Variants in KIAA1755 observed in about 807,000 individuals in gnomAD.
KIAA1755 encodes the protein uncharacterized protein KIAA1755.
A neutral mutation model predicts 91.7 loss-of-function variants in KIAA1755; 68 were observed. That is an observed-to-expected ratio of 0.74 (90% confidence interval 0.61 to 0.91). KIAA1755 has a LOEUF of 0.91. Ranked by LOEUF, KIAA1755 falls within the 40% of genes least tolerant of loss-of-function variation. KIAA1755 has a pLI of 0.00. For missense variants in KIAA1755, 1,535 were observed against 1,494.4 expected, an observed-to-expected ratio of 1.03 and a Z score of -0.45; for synonymous variants, 610 against 604.6, an observed-to-expected ratio of 1.01 and a Z score of -0.13.
intron 12 of KIAA1755, chr20:38,218,029 G>A (rs2075583038): frequency 1.6e-6 from 1 of 618,278 alleles, no homozygotes; most frequent in Middle Eastern, 4.4e-4. Flanking sequence ...AAACCCTCTG[G>A]GGGATTCAGA....
intron 12 of KIAA1755, 150 bp downstream of exon 12, chr20:38,218,094 G>A: frequency 1.1e-6 from 1 of 928,012 alleles, no homozygotes; most frequent in Non-Finnish European, 1.6e-6. Context: ...TAACATCTCA[G>A]CTGAACTCTG....
At chr20:38,218,549 G>A (rs762860118) in intron 11 of KIAA1755, among the ~76,000 whole-genome samples, 183 bp from the exon 12 acceptor site, 4 of 152,216 alleles carry the variant, frequency 2.6e-5, no homozygotes, top group African/African-American at 9.6e-5. Flanking sequence ...CTTGGGGAGG[G>A]GGAGTGTGTG....
chr20:38,251,721 G>A (rs746780116), intron 1 of KIAA1755, among the ~76,000 whole-genome samples: 34 of 151,746 alleles, frequency 2.2e-4, no homozygotes, highest in Admixed American at 1.4e-3. Context: ...ACCCACCACC[G>A]CGCCCAGCTA....
At chr20:38,214,237 C>G (rs2075506153) in intron 13 of KIAA1755, among the ~76,000 whole-genome samples, 1 of 152,206 alleles carries the variant, frequency 6.6e-6, no homozygotes, top group South Asian at 2.1e-4. Context: ...AGGCATGACC[C>G]ACTGCGCCCA....
Position 38,212,939 on chromosome 20 carries a change from A to G in KIAA1755, c.*103T>C, listed in dbSNP as rs1437514570. The stretch of plus-strand genomic sequence containing the variant: ...AGGCAGAATGTAAAACCAGTGCTCC[A>G]TGGTGACGTCTCACTGGGACTGACC... On this transcript the variant is annotated 3_prime_UTR_variant, in exon 14 of 14. Coordinates refer to ENST00000279024, the MANE Select transcript of KIAA1755 (RefSeq NM_001029864.2). 1.2e-6 allele frequency: 1 copy of G among 838,430 alleles called. No individual in the cohort carries two copies. Among genetic ancestry groups the G allele is most frequent in the Admixed American group, 2.9e-5 (1 of 34,354 alleles). 51.9% of individuals were successfully genotyped at this position (838,430 alleles called of 1,614,324 possible).
At chr20:38,232,397 C>A (rs1329887301) in intron 4 of KIAA1755, among the ~76,000 whole-genome samples, 1 of 151,264 alleles carries the variant, frequency 6.6e-6, no homozygotes, top group Non-Finnish European at 1.5e-5. Flanking sequence ...GAGGCTGAGG[C>A]GGGTGGATCA....
chr20:38,254,225 T>C (rs2076300213), intron 1 of KIAA1755, among the ~76,000 whole-genome samples: 2 of 152,162 alleles, frequency 1.3e-5, no homozygotes, highest in Admixed American at 1.3e-4. Flanking sequence ...ATCCATTTAC[T>C]GCAACGGGCA....
intron 6 of KIAA1755, 106 bp downstream of exon 6, chr20:38,228,041 G>A: frequency 1.4e-6 from 1 of 691,114 alleles, no homozygotes; most frequent in Non-Finnish European, 2.2e-6. Flanking sequence ...GTCCCTGCCT[G>A]AGAGTCCTGG....
At chr20:38,249,445 T>C (rs575634226) in intron 1 of KIAA1755, among the ~76,000 whole-genome samples, 1 of 152,168 alleles carries the variant, frequency 6.6e-6, no homozygotes, top group Non-Finnish European at 1.5e-5. Context: ...ATAGGAACTC[T>C]GAGGAGGAGG....
intron 2 of KIAA1755, among the ~76,000 whole-genome samples, chr20:38,244,455 C>T (rs922631604): frequency 5.9e-5 from 9 of 152,202 alleles, no homozygotes; most frequent in African/African-American, 9.7e-5. Flanking sequence ...ACTGGAATGA[C>T]GCACACAGTC....
At chr20:38,234,727 TCACATGTCTGGTTCCCCAC>T (rs2075928742) in intron 4 of KIAA1755, among the ~76,000 whole-genome samples, 1 of 152,184 alleles carries the variant, frequency 6.6e-6, no homozygotes, top group Non-Finnish European at 1.5e-5. Flanking sequence ...TACGATTAGT[TCACATGTCTGGTTCCCCAC>T]ACTGCCTGGA....
chr20:38,213,087 T>C lies in KIAA1755; in HGVS notation c.3558A>G (p.Thr1186=), dbSNP rs200592469. The stretch of plus-strand genomic sequence containing the variant: ...TTGTCTGGGGTGAGTCCTCAAGGGA[T>C]GTCTGTGAGTCTGTCCCCTCTGAGG... ...SFSSEGTDSQ[T]SLEDSPQTSP... The change falls in exon 14 of 14, where the codon ACA becomes ACG. Residue 1186 remains threonine, a synonymous_variant. Transcript: ENST00000279024. The C allele has an allele frequency of 6.3e-7, 1 of 1,580,828 alleles. No homozygotes were observed. The highest frequency in any genetic ancestry group is 8.6e-7 in the Non-Finnish European group (1 of 1,161,474).
chr20:38,218,087 C>T (rs2075584021), intron 12 of KIAA1755, 157 bp downstream of exon 12: 19 of 848,792 alleles, frequency 2.2e-5, no homozygotes, highest in Non-Finnish European at 3.3e-5. Flanking sequence ...GGGGAGATAA[C>T]ATCTCAGCTG....
chr20:38,245,911 G>T lies in KIAA1755; in HGVS notation c.201+18C>A, dbSNP rs112586932. On this transcript the variant is annotated intron_variant, in intron 2 of 13. Coordinates refer to ENST00000279024, the MANE Select transcript of KIAA1755 (RefSeq NM_001029864.2). ...CTGGAACAGCTTGTTCCCTGTCCCT[G>T]TTTCCCTCTTGACTTACACAGGCTG... 0.025 allele frequency: 39,526 copies of T among 1,612,590 alleles called. 598 individuals are homozygous for T. The highest frequency in any genetic ancestry group is 0.044 in the Middle Eastern group (269 of 6,058).
chr20:38,225,725 C>G lies in KIAA1755; in HGVS notation c.2109G>C (p.Leu703=). 3 of 1,609,706 alleles carry G rather than the reference C, an allele frequency of 1.9e-6. No individual in the cohort carries two copies. The highest frequency in any genetic ancestry group is 2.5e-6 in the Non-Finnish European group (3 of 1,178,040). Residue 703 remains leucine (L), a synonymous_variant, in exon 8 of 14, where the codon CTG becomes CTC. Coordinates refer to ENST00000279024, the MANE Select transcript of KIAA1755 (RefSeq NM_001029864.2). ...GGAAGGGGCCTTCCAGGACTGCGGG[C>G]AGCTGGCTGGGGTCCACATGGTGGC... ...ALSHHVDPSQ[L]PAVLEGPFPY... is the part of the protein sequence containing the mutation.
intron 2 of KIAA1755, among the ~76,000 whole-genome samples, 171 bp downstream of exon 2, chr20:38,245,758 G>C (rs1367886126): frequency 6.6e-6 from 1 of 152,182 alleles, no homozygotes; most frequent in Non-Finnish European, 1.5e-5. Context: ...CCTTCGATCT[G>C]GGGGGCTGAT....
Position 38,260,565 on chromosome 20 carries a change from G to A in KIAA1755, c.-65C>T. ...CTGGGCGCGGGGTCTGTGGGTCCGC[G>A]GGTCCGTCTGTCTGGGGCAGCCCTC... On this transcript the variant is annotated 5_prime_UTR_variant, in exon 1 of 14. Coordinates refer to ENST00000279024, the MANE Select transcript of KIAA1755 (RefSeq NM_001029864.2). 6.8e-7 allele frequency: 1 copy of A among 1,479,298 alleles called. No homozygotes were observed. Among genetic ancestry groups the A allele is most frequent in the Non-Finnish European group, 8.9e-7 (1 of 1,118,228 alleles). The allele number at this position is 1,479,298 out of a possible 1,614,324, so 91.6% of individuals were successfully genotyped here.
Position 38,241,544 on chromosome 20 carries a change from G to T in KIAA1755, c.587C>A (p.Ala196Asp). ...FVDDRPQVVNALCQAWGPLPL... is the reference protein window; with the variant it reads ...FVDDRPQVVNDLCQAWGPLPL... ...AAGGGGCCCCCAGGCTTGGCAGAGG[G>T]CATTCACTACTTGGGGTCTGTCATC... Residue 196 changes from alanine to aspartate, a missense_variant, in exon 3 of 14, where the codon GCC (alanine) becomes GAC (aspartate). Physicochemically the swap from Ala to Asp is moderately radical, Grantham distance 126 (BLOSUM62 -2). Transcript: ENST00000279024. The T allele has an allele frequency of 6.2e-7, 1 of 1,614,230 alleles. No individual in the cohort carries two copies. The highest frequency in any genetic ancestry group is 8.5e-7 in the Non-Finnish European group (1 of 1,180,042).
In KIAA1755 at chr20:38,241,367, C is replaced by A; in HGVS notation, c.764G>T (p.Arg255Leu). 6.2e-7 allele frequency: 1 copy of A among 1,614,146 alleles called. No individual in the cohort carries two copies. The highest frequency in any genetic ancestry group is 1.1e-5 in the South Asian group (1 of 91,084). The stretch of plus-strand genomic sequence containing the variant: ...CATCCTGAAAGCCACCTCCCCACAC[C>A]GGGCTTGCTCCACCTTGATGAGTCC... ...YPGLIKVEQA[R>L]CGEVAFRMDE... Residue 255 changes from arginine (R) to leucine (L), a missense_variant, in exon 3 of 14, where the codon CGG becomes CTG. Physicochemically the swap from Arg to Leu is moderately radical, Grantham distance 102 (BLOSUM62 -2). Coordinates refer to ENST00000279024, the MANE Select transcript of KIAA1755 (RefSeq NM_001029864.2).
Sources: gnomAD v4.1 joint callset for allele counts (sites outside exome capture counted in the v4.1 genomes callset) on GRCh38, gnomAD v4.1.1 for gene constraint, MANE v1.5 for transcripts, NCBI Gene and HGNC (gene_info 2026-07-23, HGNC 2026-07-21) for gene names.